The following SETDB2 variants were observed in gnomAD, a reference collection of about 807,000 sequenced individuals.
SETDB2 encodes the protein SET domain bifurcated histone lysine methyltransferase 2.
SETDB2 carries 56 observed loss-of-function variants against 82.5 expected under a neutral mutation model. The observed-to-expected ratio is 0.68, with a 90% confidence interval of 0.55 to 0.85. SETDB2 has a LOEUF of 0.85. SETDB2 is among the 40% of genes least tolerant of loss of function. The pLI is 0.00. For synonymous variants in SETDB2, 272 were observed against 284.9 expected (o/e 0.95, Z 0.46); for missense variants, 677 against 816.4 (o/e 0.83, Z 2.08).
chr13:49,471,934 A>ATATATATTTTTT (rs1378783393), intron 5 of SETDB2, among the ~76,000 whole-genome samples: 1 of 119,280 alleles, frequency 8.4e-6, no homozygotes, highest in African/African-American at 3.6e-5. Context: ...ATATATATAT[A>ATATATATTTTTT]TTTTTTTTTT....
chr13:49,461,944 G>A lies in SETDB2; in HGVS notation c.208+782G>A, dbSNP rs140086084. Reference sequence around the variant, plus strand: ...CTCACAGAAGTATTTACTATTACCAGTTTATTATAAAGGATATTATAAAGG... The same window carrying A: ...CTCACAGAAGTATTTACTATTACCAATTTATTATAAAGGATATTATAAAGG... On this transcript the variant is annotated intron_variant, in intron 4 of 13. Coordinates refer to ENST00000611815, the MANE Select transcript of SETDB2 (RefSeq NM_001160308.3). Among the ~76,000 whole-genome samples the A allele has an allele frequency of 9.3e-3, 1,413 of 152,260 alleles. 19 individuals are homozygous for A. The highest frequency in any genetic ancestry group is 0.012 in the Non-Finnish European group (809 of 68,014).
chr13:49,458,707 T>C (rs1957938906), intron 2 of SETDB2, among the ~76,000 whole-genome samples: 1 of 152,246 alleles, frequency 6.6e-6, no homozygotes, highest in African/African-American at 2.4e-5. Context: ...AGCCTATGCA[T>C]CCAGTTTGTT....
chr13:49,461,016 A>T, intron 3 of SETDB2, 81 bp from the exon 4 acceptor site: 1 of 1,079,328 alleles, frequency 9.3e-7, no homozygotes, highest in Non-Finnish European at 1.4e-6. Context: ...ATTAAATGAG[A>T]TAAAATATGT....
chr13:49,455,936 G>A (rs535436476), intron 2 of SETDB2, among the ~76,000 whole-genome samples: 1 of 152,136 alleles, frequency 6.6e-6, no homozygotes, highest in African/African-American at 2.4e-5. Flanking sequence ...TGGTGGTGAA[G>A]ATCACAATAG....
chr13:49,493,544 T>G lies in SETDB2; in HGVS notation c.*1695T>G, dbSNP rs1184709790. 1 of 152,252 alleles carries G rather than the reference T, an allele frequency of 6.6e-6. No homozygotes were observed. The allele number at this position is 152,252 out of a possible 1,614,324, so 9.4% of individuals were successfully genotyped here. A position where few individuals can be genotyped will look rare whatever the true frequency, so the allele number is the denominator to read the frequency against. On this transcript the variant is annotated 3_prime_UTR_variant, in exon 14 of 14. Coordinates refer to ENST00000611815, the MANE Select transcript of SETDB2 (RefSeq NM_001160308.3). ...TATGTGGGATCTGTTTCCAGTTAGATGCCATTATTTTCCTTTTCCTTGGTT... is the reference window on the plus strand; with the variant it reads ...TATGTGGGATCTGTTTCCAGTTAGAGGCCATTATTTTCCTTTTCCTTGGTT...
chr13:49,482,696 A>G, intron 8 of SETDB2, 41 bp from the exon 9 acceptor site: 1 of 1,284,546 alleles, frequency 7.8e-7, no homozygotes, highest in South Asian at 1.3e-5. Context: ...ATTAGCAATT[A>G]TCTTCTGTGT....
intron 5 of SETDB2, among the ~76,000 whole-genome samples, chr13:49,472,145 A>G (rs765400122): frequency 2.0e-4 from 30 of 151,892 alleles, no homozygotes; most frequent in Non-Finnish European, 3.1e-4. Context: ...AAGACCCAAC[A>G]TCTTTGAGTA....
At chr13:49,482,392 T>A in intron 8 of SETDB2, 2 of 872,892 alleles carry the variant, frequency 2.3e-6, no homozygotes, top group Non-Finnish European at 2.7e-6. Context: ...CCTTTTTAAC[T>A]AGACATAAAA....
chr13:49,482,612 T>G, intron 8 of SETDB2, 125 bp from the exon 9 acceptor site: 1 of 661,682 alleles, frequency 1.5e-6, no homozygotes, highest in Non-Finnish European at 2.5e-6. Context: ...GTAGGATGAG[T>G]TAATGTGTTT....
Position 49,476,706 on chromosome 13 carries a change from A to G in SETDB2, c.536A>G (p.Tyr179Cys). The change falls in exon 6 of 14, where the codon TAT becomes TGT. Residue 179 changes from tyrosine (Y) to cysteine (C), a missense_variant. Transcript: ENST00000611815. ...NSHSSALHVS[Y>C]KTPCGRSLRN... ...CATTCTTCAGCACTCCACGTGAGTTATAAAACCCCTTGTGGAAGGAGTCTA... is the reference window on the plus strand; with the variant it reads ...CATTCTTCAGCACTCCACGTGAGTTGTAAAACCCCTTGTGGAAGGAGTCTA... The G allele has an allele frequency of 6.2e-7, 1 of 1,614,246 alleles. No homozygotes were observed.
At chr13:49,465,921 A>C (rs1958103085) in intron 4 of SETDB2, among the ~76,000 whole-genome samples, 1 of 152,214 alleles carries the variant, frequency 6.6e-6, no homozygotes. Context: ...AAGAATACTG[A>C]TAAGTGCTTC....
intron 4 of SETDB2, among the ~76,000 whole-genome samples, chr13:49,463,396 G>A (rs746183805): frequency 6.6e-6 from 1 of 152,158 alleles, no homozygotes; most frequent in Non-Finnish European, 1.5e-5. Flanking sequence ...TCTTTATTGA[G>A]TGCACTCAGA....
At position 49,493,704 on chromosome 13, in the gene SETDB2, A is replaced by C. The variant is rs768142811; in HGVS notation, c.*1855A>C. On this transcript the variant is annotated 3_prime_UTR_variant, in exon 14 of 14. Coordinates refer to ENST00000611815, the MANE Select transcript of SETDB2 (RefSeq NM_001160308.3). ...TACCTGATTGCTGTTTTGGTTGGCA[A>C]GGTATAGGATTCTTTAGTGGTCTCC... is the stretch of plus-strand genomic sequence containing the variant. 2 of 152,198 alleles carry C rather than the reference A, an allele frequency of 1.3e-5. No individual in the cohort carries two copies. Among genetic ancestry groups the C allele is most frequent in the Admixed American group, 6.5e-5 (1 of 15,276 alleles). 9.4% of individuals were successfully genotyped at this position (152,198 alleles called of 1,614,324 possible). A position where few individuals can be genotyped will look rare whatever the true frequency, so the allele number is the denominator to read the frequency against.
intron 4 of SETDB2, chr13:49,464,011 T>C (rs1254956423): frequency 1.3e-6 from 1 of 763,004 alleles, no homozygotes; most frequent in Admixed American, 1.8e-5. Flanking sequence ...TTTAATTCCC[T>C]GCCTCACAGG....
At chr13:49,490,021 A>C (rs915276139) in intron 12 of SETDB2, among the ~76,000 whole-genome samples, 1 of 144,726 alleles carries the variant, frequency 6.9e-6, no homozygotes, top group Admixed American at 7.2e-5. Flanking sequence ...TCATGCCTGT[A>C]ATCCCAGCAC....
At chr13:49,459,857 T>C in intron 2 of SETDB2, 1 of 316,550 alleles carries the variant, frequency 3.2e-6, no homozygotes, top group Non-Finnish European at 5.7e-6. Flanking sequence ...TGTTTTCTAG[T>C]CAAGAAAGTG....
chr13:49,453,627 C>G (rs73188659), intron 2 of SETDB2, among the ~76,000 whole-genome samples: 1 of 152,122 alleles, frequency 6.6e-6, no homozygotes, highest in East Asian at 1.9e-4. Flanking sequence ...TTTGATATAC[C>G]GTCATCAGTG....
chr13:49,483,663 C>CT (rs1327418587), intron 10 of SETDB2, 100 bp downstream of exon 10: 1 of 452,422 alleles, frequency 2.2e-6, no homozygotes, highest in African/African-American at 2.6e-5. Flanking sequence ...GAGTCTCACT[C>CT]TGTCACCCAG....
intron 4 of SETDB2, among the ~76,000 whole-genome samples, chr13:49,466,797 C>T (rs1352597014): frequency 1.3e-5 from 2 of 148,578 alleles, no homozygotes; most frequent in African/African-American, 5.0e-5. Context: ...GCATGCGCCA[C>T]CATGCCTGGC....
Sources: allele counts gnomAD v4.1 joint callset (sites outside exome capture counted in the v4.1 genomes callset), GRCh38; gene constraint gnomAD v4.1.1; transcripts MANE v1.5; gene names NCBI Gene and HGNC (gene_info 2026-07-23, HGNC 2026-07-21).